WSB2: variants seen among roughly 807,000 people sequenced by gnomAD.
WSB2 encodes the protein WD repeat and SOCS box containing 2, also known as WD repeat and SOCS box-containing protein 2.
Under a neutral mutation model 48.8 loss-of-function variants are expected in WSB2, and 12 were observed. That is an observed-to-expected ratio of 0.25 (90% CI 0.16 to 0.40). The LOEUF (loss-of-function observed/expected upper bound fraction) is 0.40, where lower values mean the gene tolerates loss of function less well. Ranked by LOEUF, WSB2 falls within the 10% of genes least tolerant of loss-of-function variation. WSB2 has a pLI of 1.00. For missense variants in WSB2, 317 were observed against 506.2 expected (o/e 0.63, Z 3.59); for synonymous variants, 191 against 203.1 (o/e 0.94, Z 0.51).
At chr12:118,052,840 A>G (rs1024564806) in intron 1 of WSB2, among the ~76,000 whole-genome samples, 4 of 152,162 alleles carry the variant, frequency 2.6e-5, no homozygotes, top group African/African-American at 9.7e-5. Flanking sequence ...AGGCCTTCCA[A>G]TGCATTTCAG....
At chr12:118,034,514 C>T (rs2137758143) in intron 8 of WSB2, among the ~76,000 whole-genome samples, 156 bp from the exon 9 acceptor site, 2 of 151,484 alleles carry the variant, frequency 1.3e-5, no homozygotes, top group Middle Eastern at 6.8e-3. Flanking sequence ...AATTGTGGTG[C>T]TGAATAATTA....
At chr12:118,054,687 T>G (rs200282967) in intron 1 of WSB2, among the ~76,000 whole-genome samples, 1 of 78,776 alleles carries the variant, frequency 1.3e-5, no homozygotes, top group African/African-American at 4.4e-5. Context: ...CAAAAAATAA[T>G]AATAATAATA....
intron 4 of WSB2, among the ~76,000 whole-genome samples, chr12:118,040,392 T>C (rs2031611682): frequency 6.6e-6 from 1 of 152,112 alleles, no homozygotes; most frequent in Non-Finnish European, 1.5e-5. Context: ...CATCAAGTGA[T>C]TTCCAGAGCC....
intron 1 of WSB2, among the ~76,000 whole-genome samples, chr12:118,059,402 C>T (rs2032022051): frequency 6.6e-6 from 1 of 151,890 alleles, no homozygotes; most frequent in African/African-American, 2.4e-5. Flanking sequence ...CTAGAGGGTG[C>T]CTGGCACATA....
chr12:118,052,835 T>C (rs56234244), intron 1 of WSB2, among the ~76,000 whole-genome samples: 2,764 of 152,248 alleles, frequency 0.018, 62 homozygotes, highest in African/African-American at 0.058. Context: ...TAGCAAGGCC[T>C]TCCAATGCAT....
chr12:118,043,110 T>C (rs373828240), intron 3 of WSB2, 23 bp downstream of exon 3: 60 of 1,614,070 alleles, frequency 3.7e-5, no homozygotes, highest in Non-Finnish European at 5.1e-5. Context: ...CCCAGAACCT[T>C]GTGCCAGCCA....
chr12:118,054,939 T>C (rs1387387857), intron 1 of WSB2, among the ~76,000 whole-genome samples: 5 of 148,428 alleles, frequency 3.4e-5, no homozygotes, highest in African/African-American at 1.2e-4. Context: ...AGCACTTTGG[T>C]AGGCCGAGAT....
At position 118,034,049 on chromosome 12, in the gene WSB2, A is replaced by C; in HGVS notation, c.*147T>G. 2 of 1,081,394 alleles carry C rather than the reference A, an allele frequency of 1.8e-6. No individual in the cohort carries two copies. Among genetic ancestry groups the C allele is most frequent in the Non-Finnish European group, 2.7e-6 (2 of 733,914 alleles). The allele number at this position is 1,081,394 out of a possible 1,614,324, so 67.0% of individuals were successfully genotyped here. A position where few individuals can be genotyped will look rare whatever the true frequency, so the allele number is the denominator to read the frequency against. The stretch of plus-strand genomic sequence containing the variant: ...GGAGAGAAAGATCCATGACTAGTAC[A>C]CTGGAATCTGGTTTTGCTACATTCT... On this transcript the variant is annotated 3_prime_UTR_variant, in exon 9 of 9. Transcript: ENST00000315436.
At chr12:118,061,300 G>C, upstream of WSB2, 1 of 645,780 alleles carries the variant, frequency 1.5e-6, no homozygotes, top group Non-Finnish European at 1.9e-6. Context: ...ATGGAAAATC[G>C]GGGAGGCGGT....
At chr12:118,062,117 C>T (rs761576567), upstream of WSB2, 1 of 1,535,434 alleles carries the variant, frequency 6.5e-7, no homozygotes, top group South Asian at 1.2e-5. Flanking sequence ...ACAGCCTCGC[C>T]TGTCCCCGTC....
chr12:118,052,687 C>A, intron 1 of WSB2: 1 of 682,404 alleles, frequency 1.5e-6, no homozygotes, highest in Non-Finnish European at 2.4e-6. Context: ...TGCTGGTTAA[C>A]CATGACTCAC....
upstream of WSB2, chr12:118,061,216 G>A (rs2032059956): frequency 3.1e-6 from 3 of 983,430 alleles, no homozygotes; most frequent in Non-Finnish European, 3.6e-6. Flanking sequence ...GGAGACGCGC[G>A]GGGGCGGGGC....
intron 2 of WSB2, among the ~76,000 whole-genome samples, chr12:118,051,977 A>T (rs2031861498): frequency 6.6e-6 from 1 of 152,234 alleles, no homozygotes; most frequent in Middle Eastern, 3.2e-3. Context: ...GTCTCAAAAA[A>T]TAAATAAATA....
chr12:118,042,808 G>A lies in WSB2; in HGVS notation c.559+33C>T, dbSNP rs759293127. 1.2e-5 allele frequency: 19 copies of A among 1,601,436 alleles called. 1 individual carries two copies. The East Asian group carries it at 4.2e-4, about 36-fold the overall frequency. On this transcript the variant is annotated intron_variant, in intron 4 of 8. Transcript: ENST00000315436. Reference sequence around the variant, plus strand: ...TGGAGAAAGCAAATACAGTATTTTTGGAGTTGCCGAGTAGTTCCTTCACTT... The same window carrying A: ...TGGAGAAAGCAAATACAGTATTTTTAGAGTTGCCGAGTAGTTCCTTCACTT...
intron 1 of WSB2, chr12:118,052,728 T>C (rs1306261571): frequency 1.8e-6 from 1 of 546,620 alleles, no homozygotes; most frequent in Non-Finnish European, 3.2e-6. Context: ...ACCCAGTGAA[T>C]GGAGGCCTCA....
chr12:118,043,070 G>A (rs775412924), intron 3 of WSB2, 63 bp downstream of exon 3: 285 of 1,613,728 alleles, frequency 1.8e-4, no homozygotes, highest in Non-Finnish European at 1.7e-4. Context: ...GGGCAGGGAG[G>A]CGACATAGTC....
In WSB2 at chr12:118,060,606, C is replaced by T. The variant is rs1181113968; in HGVS notation, c.13+430G>A. 1.3e-5 allele frequency among the ~76,000 whole-genome samples: 2 copies of T among 152,130 alleles called. No homozygotes were observed. Among genetic ancestry groups the T allele is most frequent in the Non-Finnish European group, 2.9e-5 (2 of 68,010 alleles). ...TCAGTGGCTTGTCCACTGTCACGAT[C>T]ACACAGCTTGTGAGGGACAGAGGTG... On this transcript the variant is annotated intron_variant, in intron 1 of 8. Coordinates refer to ENST00000315436, the MANE Select transcript of WSB2 (RefSeq NM_018639.5). This position sits in a 1 kb window ranked among gnomAD's most constrained non-coding sequence, Gnocchi z 4.1.
At position 118,060,976 on chromosome 12, in the gene WSB2, C is replaced by G. The variant is rs1395648890; in HGVS notation, c.13+60G>C. On this transcript the variant is annotated intron_variant, in intron 1 of 8. Coordinates refer to ENST00000315436, the MANE Select transcript of WSB2 (RefSeq NM_018639.5). The surrounding 1 kb of genome is among the most constrained non-coding windows in gnomAD (Gnocchi z 4.1). ...CCGCCCCGGGGTCGCCTCCCCCCTC[C>G]CCGGGGAGAACGGGCCAGGGCCCCG... is the stretch of plus-strand genomic sequence containing the variant. 2.2e-4 allele frequency: 195 copies of G among 882,156 alleles called. No individual in the cohort carries two copies. Among genetic ancestry groups the G allele is most frequent in the Non-Finnish European group, 2.6e-4 (192 of 734,602 alleles). 54.6% of individuals were successfully genotyped at this position (882,156 alleles called of 1,614,324 possible).
chr12:118,058,552 A>T (rs1259971006), intron 1 of WSB2, among the ~76,000 whole-genome samples: 1 of 151,988 alleles, frequency 6.6e-6, no homozygotes, highest in Non-Finnish European at 1.5e-5. Context: ...GGGTTTTGCC[A>T]TGCTGCCTAG....
Sources: allele counts gnomAD v4.1 joint callset (sites outside exome capture counted in the v4.1 genomes callset), GRCh38; gene constraint gnomAD v4.1.1; non-coding constraint Gnocchi (gnomAD v3.1); transcripts MANE v1.5; gene names NCBI Gene and HGNC (gene_info 2026-07-23, HGNC 2026-07-21).